CAPS2: variants seen among roughly 807,000 people sequenced by gnomAD.
CAPS2 encodes the protein calcyphosin-2.
In CAPS2, 98 loss-of-function variants were observed where a neutral mutation model predicts 86.5. The ratio of observed to expected loss-of-function variants is 1.13; its 90% CI spans 0.96 to 1.34. The LOEUF (loss-of-function observed/expected upper bound fraction) is 1.34. CAPS2 is among the 40% of genes most tolerant of loss of function. The pLI is 0.00. For synonymous variants in CAPS2, 210 were observed against 225.1 expected, an observed-to-expected ratio of 0.93 and a Z score of 0.60; for missense variants, 729 against 686.8, an observed-to-expected ratio of 1.06 and a Z score of -0.69.
At chr12:75,281,258 G>T (rs1269561026) in intron 16 of CAPS2, among the ~76,000 whole-genome samples, 2 of 151,750 alleles carry the variant, frequency 1.3e-5, no homozygotes, top group Non-Finnish European at 2.9e-5. Context: ...GTAATTCTAG[G>T]TATTAATATC....
chr12:75,338,327 C>T (rs572643375), intron 1 of CAPS2, among the ~76,000 whole-genome samples: 1 of 152,158 alleles, frequency 6.6e-6, no homozygotes, highest in South Asian at 2.1e-4. Flanking sequence ...ACTGGAAACA[C>T]CATTAACAGA....
chr12:75,390,061 T>A (rs2045498147), intron 1 of CAPS2, among the ~76,000 whole-genome samples: 2 of 152,232 alleles, frequency 1.3e-5, no homozygotes, highest in Admixed American at 1.3e-4. Flanking sequence ...CAATGTTTTG[T>A]AGTAAAATTC....
chr12:75,338,292 A>G (rs2041869055), intron 1 of CAPS2, among the ~76,000 whole-genome samples: 1 of 152,200 alleles, frequency 6.6e-6, no homozygotes, highest in Non-Finnish European at 1.5e-5. Context: ...GGACTTGAAA[A>G]TTAATCAACA....
chr12:75,330,133 G>C (rs2041167729), upstream of CAPS2: 1 of 347,682 alleles, frequency 2.9e-6, no homozygotes, highest in Non-Finnish European at 5.2e-6. Context: ...AAAGGTCGTC[G>C]GCCCAAGTCC....
intron 1 of CAPS2, chr12:75,366,967 T>C: frequency 1.4e-6 from 1 of 701,730 alleles, no homozygotes; most frequent in Admixed American, 2.0e-5. Flanking sequence ...AAGGGGCAGC[T>C]TGCAGCTTGC....
At chr12:75,339,370 A>G (rs1210864920) in intron 1 of CAPS2, among the ~76,000 whole-genome samples, 1 of 151,330 alleles carries the variant, frequency 6.6e-6, no homozygotes. Context: ...GCTTTTTTTC[A>G]TTTGTTTTTT....
chr12:75,278,971 T>G (rs374307065), exon 17 of CAPS2: 8 of 1,611,336 alleles, frequency 5.0e-6, no homozygotes, highest in Non-Finnish European at 8.5e-7. Context: ...CATAGTAATC[T>G]TCAAATTCAC....
At chr12:75,370,224 A>C in intron 1 of CAPS2, 12 of 948,788 alleles carry the variant, frequency 1.3e-5, no homozygotes, top group Non-Finnish European at 1.9e-5. Context: ...ATAAAGGAAT[A>C]GTTTATTGCT....
At chr12:75,335,751 A>G (rs1256007146) in intron 1 of CAPS2, among the ~76,000 whole-genome samples, 2 of 152,124 alleles carry the variant, frequency 1.3e-5, no homozygotes, top group African/African-American at 4.8e-5. Flanking sequence ...TGAAACAAGA[A>G]TAAACTAATC....
intron 11 of CAPS2, among the ~76,000 whole-genome samples, chr12:75,297,142 C>T (rs1192224957): frequency 6.6e-6 from 1 of 151,840 alleles, no homozygotes; most frequent in African/African-American, 2.4e-5. Context: ...GAACAGAGTT[C>T]CACATCCACT....
chr12:75,359,549 T>C (rs886336366), intron 1 of CAPS2, among the ~76,000 whole-genome samples: 1 of 151,818 alleles, frequency 6.6e-6, no homozygotes, highest in Admixed American at 6.6e-5. Flanking sequence ...AATACTATTG[T>C]TTTCAAGTGC....
rs146669701 is a variant in CAPS2, at chr12:75,316,517, G to A, written c.469-83C>T. On this transcript the variant is annotated intron_variant, in intron 5 of 16. Transcript: ENST00000393284. ...ACAAAATATGGGAATAGATAACTAC[G>A]GAATATCTCAGTGACTATTTGTACA... 2,887 of 1,212,026 alleles carry A rather than the reference G, an allele frequency of 2.4e-3. 5 individuals carry two copies. Among genetic ancestry groups the A allele is most frequent in the Non-Finnish European group, 3.0e-3 (2,713 of 903,150 alleles). 75.1% of individuals were successfully genotyped at this position (1,212,026 alleles called of 1,614,324 possible).
At chr12:75,297,334 T>C (rs1354844774) in intron 11 of CAPS2, among the ~76,000 whole-genome samples, 2 of 152,212 alleles carry the variant, frequency 1.3e-5, no homozygotes, top group Non-Finnish European at 2.9e-5. Flanking sequence ...ATATGTATAG[T>C]GTATAGTGTA....
intron 1 of CAPS2, among the ~76,000 whole-genome samples, chr12:75,355,685 C>G (rs902787584): frequency 6.6e-6 from 1 of 152,092 alleles, no homozygotes; most frequent in African/African-American, 2.4e-5. Context: ...CAAGTAGGTT[C>G]AGCGCAGCAC....
upstream of CAPS2, among the ~76,000 whole-genome samples, chr12:75,326,755 A>G (rs1237753318): frequency 6.6e-6 from 1 of 152,164 alleles, no homozygotes; most frequent in African/African-American, 2.4e-5. Context: ...CTGTAAATAT[A>G]CCACCTTACA....
chr12:75,350,817 G>T (rs536113845), intron 1 of CAPS2, among the ~76,000 whole-genome samples: 1 of 152,268 alleles, frequency 6.6e-6, no homozygotes, highest in South Asian at 2.1e-4. Flanking sequence ...CACATCTCCA[G>T]CAAGGGCACA....
chr12:75,311,092 T>C (rs2039109871), intron 7 of CAPS2, among the ~76,000 whole-genome samples: 1 of 152,180 alleles, frequency 6.6e-6, no homozygotes, highest in Non-Finnish European at 1.5e-5. Flanking sequence ...CTCGTAGGCT[T>C]CACTATGATT....
At chr12:75,330,976 G>T (rs531979057), upstream of CAPS2, among the ~76,000 whole-genome samples, 138 of 152,040 alleles carry the variant, frequency 9.1e-4, no homozygotes, top group African/African-American at 3.2e-3. Context: ...ATATAGAGGG[G>T]GTTTCACCAT....
At position 75,279,530 on chromosome 12, in the gene CAPS2, A is replaced by C. The variant is rs550252969; in HGVS notation, c.1613-465T>G. On this transcript the variant is annotated intron_variant, in intron 16 of 16. Transcript: ENST00000393284. The stretch of plus-strand genomic sequence containing the variant: ...GAATACTACTCAAACCATTTGTCTA[A>C]TGGGGTGGACAAAATTAAGGTGAGA... Among the ~76,000 whole-genome samples the C allele has an allele frequency of 2.6e-5, 4 of 152,124 alleles. No homozygotes were observed. In the South Asian group the frequency reaches 6.2e-4, roughly 24 times the overall value.
Sources: allele counts gnomAD v4.1 joint callset (sites outside exome capture counted in the v4.1 genomes callset), GRCh38; gene constraint gnomAD v4.1.1; transcripts MANE v1.5; gene names NCBI Gene and HGNC (gene_info 2026-07-23, HGNC 2026-07-21).